Variants in ELMOD1 observed in about 807,000 individuals in gnomAD.
ELMOD1 encodes ELMO domain-containing protein 1.
A neutral mutation model predicts 46.7 loss-of-function variants in ELMOD1; 21 were observed. That is an observed-to-expected ratio of 0.45 (90% CI 0.32 to 0.65). The LOEUF (loss-of-function observed/expected upper bound fraction) is 0.65. Ranked by LOEUF, ELMOD1 falls within the 30% of genes least tolerant of loss-of-function variation. The pLI, the probability that ELMOD1 is intolerant of heterozygous loss-of-function variation, is 0.04. For synonymous variants in ELMOD1, 122 were observed against 138.2 expected (o/e 0.88, Z 0.82); for missense variants, 348 against 407.8 (o/e 0.85, Z 1.26).
intron 6 of ELMOD1, chr11:107,642,949 T>C: frequency 3.0e-6 from 1 of 338,098 alleles, no homozygotes. Flanking sequence ...ACAATCAGGT[T>C]ATCCTTGGAC....
At chr11:107,640,568 G>C (rs1866304083) in intron 6 of ELMOD1, among the ~76,000 whole-genome samples, 1 of 151,834 alleles carries the variant, frequency 6.6e-6, no homozygotes, top group Non-Finnish European at 1.5e-5. Context: ...TCATAATACA[G>C]TATAAATTAT....
intron 2 of ELMOD1, among the ~76,000 whole-genome samples, chr11:107,623,073 C>T (rs1241716306): frequency 6.6e-6 from 1 of 152,114 alleles, no homozygotes; most frequent in Non-Finnish European, 1.5e-5. Flanking sequence ...GTGCTGTACC[C>T]ATTAACTCAT....
At chr11:107,593,119 C>T (rs12284345) in intron 1 of ELMOD1, 18,465 of 152,658 alleles carry the variant, frequency 0.12, 1,376 homozygotes, top group African/African-American at 0.21. Flanking sequence ...ACCGCAGTTA[C>T]ATCACAGGCT....
chr11:107,639,585 G>A (rs1404135373), intron 6 of ELMOD1, among the ~76,000 whole-genome samples: 1 of 152,086 alleles, frequency 6.6e-6, no homozygotes, highest in African/African-American at 2.4e-5. Context: ...CAGATGAATC[G>A]CCTTCCCTTT....
chr11:107,633,771 A>G (rs1268064306), intron 5 of ELMOD1, among the ~76,000 whole-genome samples: 1 of 152,068 alleles, frequency 6.6e-6, no homozygotes, highest in Non-Finnish European at 1.5e-5. Context: ...TGCCTCTTAT[A>G]TTCCGTCCAT....
intron 1 of ELMOD1, among the ~76,000 whole-genome samples, chr11:107,610,998 C>CAG (rs1865768372): frequency 1.0e-5 from 1 of 95,798 alleles, no homozygotes; most frequent in Admixed American, 1.1e-4. Context: ...TGTAAGAATC[C>CAG]AAAAAAAAAA....
At chr11:107,614,454 T>C (rs2135669902) in intron 1 of ELMOD1, among the ~76,000 whole-genome samples, 1 of 152,332 alleles carries the variant, frequency 6.6e-6, no homozygotes, top group Non-Finnish European at 1.5e-5. Flanking sequence ...TTCTCCTGCC[T>C]CAGCCTCCTG....
chr11:107,626,725 A>G (rs1319471057), intron 2 of ELMOD1, among the ~76,000 whole-genome samples: 1 of 149,538 alleles, frequency 6.7e-6, no homozygotes. Flanking sequence ...CTATTTCTTT[A>G]TTGCTTCCTT....
chr11:107,657,613 T>A (rs535294248), intron 11 of ELMOD1, among the ~76,000 whole-genome samples: 2 of 152,322 alleles, frequency 1.3e-5, no homozygotes, highest in South Asian at 4.1e-4. Flanking sequence ...TTACACCCAG[T>A]ATAACTTACT....
At position 107,621,538 on chromosome 11, in the gene ELMOD1, G is replaced by A. The variant is rs372793969; in HGVS notation, c.17+3332G>A. Among the ~76,000 whole-genome samples the A allele has an allele frequency of 3.3e-3, 497 of 152,240 alleles. 1 individual carries two copies. Among genetic ancestry groups the A allele is most frequent in the African/African-American group, 0.011 (470 of 41,530 alleles). Reference sequence around the variant, plus strand: ...ATTCCACTTTCATTCTCTCTTCATAGCAAATGTAATTAAGTAAGACATAAC... The same window carrying A: ...ATTCCACTTTCATTCTCTCTTCATAACAAATGTAATTAAGTAAGACATAAC... On this transcript the variant is annotated intron_variant, in intron 2 of 11. Coordinates refer to ENST00000265840, the MANE Select transcript of ELMOD1 (RefSeq NM_018712.4).
chr11:107,656,131 T>C (rs1591137984), intron 11 of ELMOD1, 65 bp downstream of exon 11: 3 of 1,515,006 alleles, frequency 2.0e-6, no homozygotes, highest in East Asian at 2.5e-5. Flanking sequence ...CTCACCCCTG[T>C]AATCCCAGCA....
At chr11:107,646,697 A>G (rs1411870571) in intron 6 of ELMOD1, among the ~76,000 whole-genome samples, 1 of 152,012 alleles carries the variant, frequency 6.6e-6, no homozygotes, top group African/African-American at 2.4e-5. Context: ...ATCAGGCCAC[A>G]GCACTCCAGC....
intron 1 of ELMOD1, among the ~76,000 whole-genome samples, chr11:107,610,398 G>C (rs1865755032): frequency 6.6e-6 from 1 of 152,098 alleles, no homozygotes; most frequent in Non-Finnish European, 1.5e-5. Context: ...GCCAGGCCTG[G>C]TGGTAAAGTG....
intron 1 of ELMOD1, among the ~76,000 whole-genome samples, chr11:107,598,476 G>A (rs529877851): frequency 1.3e-5 from 2 of 152,298 alleles, no homozygotes; most frequent in East Asian, 1.9e-4. Context: ...CCTCATAGGT[G>A]CACCCAGAAA....
intron 1 of ELMOD1, among the ~76,000 whole-genome samples, chr11:107,604,092 GTACT>G (rs140410960): frequency 0.12 from 18,245 of 152,030 alleles, 1,319 homozygotes; most frequent in African/African-American, 0.21. Context: ...AACCAAGCAT[GTACT>G]TACTCACCCA....
At chr11:107,597,840 A>G (rs1429763354) in intron 1 of ELMOD1, among the ~76,000 whole-genome samples, 3 of 152,216 alleles carry the variant, frequency 2.0e-5, no homozygotes, top group Admixed American at 6.5e-5. Context: ...TTAATAATCT[A>G]AGATCATATT....
At chr11:107,604,332 A>G (rs1456624258) in intron 1 of ELMOD1, among the ~76,000 whole-genome samples, 1 of 152,240 alleles carries the variant, frequency 6.6e-6, no homozygotes. Flanking sequence ...TGCTCTATCA[A>G]CAACATATAA....
At chr11:107,637,833 G>A (rs1231752562) in intron 6 of ELMOD1, among the ~76,000 whole-genome samples, 1 of 152,078 alleles carries the variant, frequency 6.6e-6, no homozygotes, top group East Asian at 1.9e-4. Context: ...TTTAATTATG[G>A]CAGCAACCAT....
chr11:107,655,283 G>A (rs1055583507), intron 10 of ELMOD1, among the ~76,000 whole-genome samples: 1 of 152,072 alleles, frequency 6.6e-6, no homozygotes, highest in Admixed American at 6.6e-5. Flanking sequence ...TTATTTTGCT[G>A]TCTGTCTTCT....
Sources: gnomAD v4.1 joint callset for allele counts (sites outside exome capture counted in the v4.1 genomes callset) on GRCh38, gnomAD v4.1.1 for gene constraint, MANE v1.5 for transcripts, NCBI Gene and HGNC (gene_info 2026-07-23, HGNC 2026-07-21) for gene names.